The following CELF2 variants were observed in gnomAD, a reference collection of about 807,000 sequenced individuals.
The protein encoded by CELF2 is CUGBP Elav-like family member 2, also known as CUG triplet repeat RNA-binding protein 2.
CELF2 carries 8 observed loss-of-function variants against 62.6 expected under a neutral mutation model. The ratio of observed to expected loss-of-function variants is 0.13; its 90% CI spans 0.07 to 0.23. The LOEUF (loss-of-function observed/expected upper bound fraction) is 0.23, where lower values mean the gene tolerates loss of function less well. CELF2 is among the 10% of genes least tolerant of loss of function. CELF2 has a pLI of 1.00. For synonymous variants in CELF2, 258 were observed against 250.0 expected, an observed-to-expected ratio of 1.03 and a Z score of -0.30; for missense variants, 333 against 671.0, an observed-to-expected ratio of 0.50 and a Z score of 5.56.
the CELF2 span, among the ~76,000 whole-genome samples, chr10:10,745,130 A>AAC: frequency 1.7e-3 from 235 of 136,902 alleles, 1 homozygote; most frequent in East Asian, 0.025. Context: ...AAAAAAAACA[A>AAC]AACAAAAAAA....
At position 11,247,991 on chromosome 10, in the gene CELF2, G is replaced by C. The variant is rs1158123758; in HGVS notation, c.355-1162G>C. ...CTGCCTGATGATAATTTCCCATGAT[G>C]AAAGTATCAGAGCCAAGTGCCATTT... On this transcript the variant is annotated intron_variant, in intron 3 of 12. Coordinates refer to ENST00000633077, the MANE Select transcript of CELF2 (RefSeq NM_001326342.2). This position sits in a 1 kb window ranked among gnomAD's most constrained non-coding sequence, Gnocchi z 5.4. Among the ~76,000 whole-genome samples, 3 of 152,208 alleles carry C rather than the reference G, an allele frequency of 2.0e-5. No individual in the cohort carries two copies. The highest frequency in any genetic ancestry group is 4.4e-5 in the Non-Finnish European group (3 of 68,036).
At chr10:10,657,450 AG>A in the CELF2 span, among the ~76,000 whole-genome samples, 3 of 152,170 alleles carry the variant, frequency 2.0e-5, no homozygotes, top group South Asian at 6.2e-4. Flanking sequence ...CTTTTGCACC[AG>A]CCCAGTACTT....
At chr10:10,598,508 G>A in the CELF2 span, among the ~76,000 whole-genome samples, 3 of 152,096 alleles carry the variant, frequency 2.0e-5, no homozygotes, top group Admixed American at 6.5e-5. Context: ...AAGTGACCTG[G>A]GTTTCTGAAC....
the CELF2 span, among the ~76,000 whole-genome samples, chr10:10,595,902 A>G: frequency 6.6e-6 from 1 of 152,140 alleles, no homozygotes; most frequent in African/African-American, 2.4e-5. Flanking sequence ...TCTTTAAAAA[A>G]AGAAAAGATG....
chr10:11,234,227 G>C (rs552497749), intron 3 of CELF2, among the ~76,000 whole-genome samples: 6 of 152,300 alleles, frequency 3.9e-5, no homozygotes, highest in Non-Finnish European at 7.4e-5. Flanking sequence ...CATGGCTGAG[G>C]TCTCAGCTGC....
At chr10:11,089,164 C>T (rs549981964) in intron 1 of CELF2, among the ~76,000 whole-genome samples, 2 of 152,298 alleles carry the variant, frequency 1.3e-5, no homozygotes, top group Admixed American at 6.5e-5. Flanking sequence ...ATTGGACTCC[C>T]ACTGTCATTG....
At chr10:11,099,695 C>T (rs1296689628) in intron 1 of CELF2, among the ~76,000 whole-genome samples, 1 of 151,976 alleles carries the variant, frequency 6.6e-6, no homozygotes, top group Non-Finnish European at 1.5e-5. Context: ...TCTTTGTTAC[C>T]GTAATATATT....
In CELF2 at chr10:11,064,884, C is replaced by A. The variant is rs142081898; in HGVS notation, c.74+46721C>A. Among the ~76,000 whole-genome samples, 724 of 152,318 alleles carry A rather than the reference C, an allele frequency of 4.8e-3. 7 individuals carry two copies. Among genetic ancestry groups the A allele is most frequent in the African/African-American group, 0.017 (703 of 41,584 alleles). ...CTCCGGTAGTCAGGGAATCATCTAACATTAGACCAGGTAGAAAAATACTGC... is the reference window on the plus strand; with the variant it reads ...CTCCGGTAGTCAGGGAATCATCTAAAATTAGACCAGGTAGAAAAATACTGC... On this transcript the variant is annotated intron_variant, in intron 1 of 12. Transcript: ENST00000633077.
chr10:10,935,676 A>C (rs1329362187), intron 2 of CELF2, among the ~76,000 whole-genome samples: 1 of 152,196 alleles, frequency 6.6e-6, no homozygotes, highest in Admixed American at 6.5e-5. Flanking sequence ...TTGGGAAATG[A>C]AATGCTACAA....
intron 1 of CELF2, among the ~76,000 whole-genome samples, chr10:11,087,126 T>C (rs1324262623): frequency 6.6e-6 from 1 of 152,222 alleles, no homozygotes; most frequent in African/African-American, 2.4e-5. Flanking sequence ...CAGTGCTGTC[T>C]TACATCTCTA....
intron 2 of CELF2, among the ~76,000 whole-genome samples, chr10:11,170,052 T>G (rs1243334873): frequency 6.6e-6 from 1 of 152,186 alleles, no homozygotes; most frequent in Non-Finnish European, 1.5e-5. Flanking sequence ...AGGAAATGCA[T>G]GGATGTATAC....
At chr10:11,147,081 C>G (rs546291140) in intron 1 of CELF2, among the ~76,000 whole-genome samples, 12 of 152,178 alleles carry the variant, frequency 7.9e-5, no homozygotes, top group South Asian at 6.2e-4. Context: ...GTTTATTTAT[C>G]TGATCAATCT....
intron 1 of CELF2, among the ~76,000 whole-genome samples, chr10:11,129,704 C>T (rs2059319563): frequency 6.6e-6 from 1 of 152,148 alleles, no homozygotes; most frequent in Admixed American, 6.5e-5. Context: ...GTTTGTATTT[C>T]TGTGGGATTG....
chr10:10,667,784 C>G, the CELF2 span, among the ~76,000 whole-genome samples: 2 of 152,156 alleles, frequency 1.3e-5, no homozygotes, highest in African/African-American at 2.4e-5. Flanking sequence ...TAAACCGAGC[C>G]CTTCCACTCA....
intron 9 of CELF2, among the ~76,000 whole-genome samples, chr10:11,291,137 G>A (rs1290795424): frequency 6.6e-6 from 1 of 152,150 alleles, no homozygotes; most frequent in Non-Finnish European, 1.5e-5. Flanking sequence ...CACTTGCCCT[G>A]TGAGTTGAAG....
At chr10:10,765,958 T>A in the CELF2 span, among the ~76,000 whole-genome samples, 1 of 152,170 alleles carries the variant, frequency 6.6e-6, no homozygotes, top group Non-Finnish European at 1.5e-5. Context: ...ACAAGCGCAC[T>A]GGGCCACCCT....
intron 1 of CELF2, among the ~76,000 whole-genome samples, chr10:11,076,271 A>G (rs2762544): frequency 0.27 from 41,667 of 152,014 alleles, 6,285 homozygotes; most frequent in African/African-American, 0.39. Context: ...GATACTATAC[A>G]GAACTTTGTC....
At chr10:10,584,626 T>C in the CELF2 span, among the ~76,000 whole-genome samples, 1 of 152,240 alleles carries the variant, frequency 6.6e-6, no homozygotes, top group Non-Finnish European at 1.5e-5. Flanking sequence ...CCAAGTTTAA[T>C]GCATAGACAC....
chr10:10,679,433 G>A, the CELF2 span, among the ~76,000 whole-genome samples: 1 of 152,036 alleles, frequency 6.6e-6, no homozygotes, highest in Non-Finnish European at 1.5e-5. Flanking sequence ...GAGAATACAG[G>A]CACCCTCCAC....
Sources: allele counts gnomAD v4.1 joint callset (sites outside exome capture counted in the v4.1 genomes callset), GRCh38; gene constraint gnomAD v4.1.1; non-coding constraint Gnocchi (gnomAD v3.1); transcripts MANE v1.5; gene names NCBI Gene and HGNC (gene_info 2026-07-23, HGNC 2026-07-21).